ZBTB20: variants seen among roughly 807,000 people sequenced by gnomAD.
ZBTB20 encodes zinc finger and BTB domain-containing protein 20.
Under a neutral mutation model 56.9 loss-of-function variants are expected in ZBTB20, and 9 were observed. That is an observed-to-expected ratio of 0.16 (90% CI 0.10 to 0.28). The LOEUF is 0.28. ZBTB20 is among the 10% of genes least tolerant of loss of function. ZBTB20 has a pLI of 1.00. For synonymous variants in ZBTB20, 417 were observed against 420.7 expected, an observed-to-expected ratio of 0.99 and a Z score of 0.11; for missense variants, 655 against 1,003.0, an observed-to-expected ratio of 0.65 and a Z score of 4.69.
At chr3:114,926,011 T>A (rs539161516) in intron 3 of ZBTB20, among the ~76,000 whole-genome samples, 1 of 152,330 alleles carries the variant, frequency 6.6e-6, no homozygotes, top group South Asian at 2.1e-4. Context: ...TGGACTGATT[T>A]CAGTCTGCCC....
At chr3:114,933,280 A>C (rs1669747161) in intron 3 of ZBTB20, among the ~76,000 whole-genome samples, 1 of 152,236 alleles carries the variant, frequency 6.6e-6, no homozygotes, top group African/African-American at 2.4e-5. Context: ...ACAGGGACAA[A>C]GCCAAAAAAG....
At chr3:114,981,290 T>C (rs2078316777) in intron 2 of ZBTB20, among the ~76,000 whole-genome samples, 1 of 152,076 alleles carries the variant, frequency 6.6e-6, no homozygotes, top group African/African-American at 2.4e-5. Context: ...ACAGGCCTAA[T>C]AATGAGCTAT....
chr3:114,657,757 A>G (rs1013574164), intron 6 of ZBTB20, among the ~76,000 whole-genome samples: 1 of 152,150 alleles, frequency 6.6e-6, no homozygotes, highest in African/African-American at 2.4e-5. Flanking sequence ...TCCAGATTCC[A>G]ACTGCTTTTG....
chr3:114,518,314 C>A (rs1013463952), intron 6 of ZBTB20, among the ~76,000 whole-genome samples: 1 of 151,690 alleles, frequency 6.6e-6, no homozygotes, highest in Admixed American at 6.6e-5. Flanking sequence ...AGGAAAGGGG[C>A]CAAAAATAGA....
chr3:114,600,865 A>G (rs780426285), intron 6 of ZBTB20, among the ~76,000 whole-genome samples: 3 of 151,934 alleles, frequency 2.0e-5, no homozygotes, highest in Non-Finnish European at 4.4e-5. Context: ...GCCAAGCTAT[A>G]TATTTACACA....
chr3:115,023,689 T>A (rs1182052585), intron 2 of ZBTB20, among the ~76,000 whole-genome samples: 1 of 151,048 alleles, frequency 6.6e-6, no homozygotes, highest in Non-Finnish European at 1.5e-5. Flanking sequence ...CTTAATTCCT[T>A]GTAATCTGTC....
In ZBTB20 at chr3:114,729,981, A is replaced by G. The variant is rs1320644688; in HGVS notation, c.-342-36406T>C. ...ATTTTTTTTTTTTTTTTTTTTTTGT[A>G]TAGACAGGGTTTTGCTTGGGGGCCC... On this transcript the variant is annotated intron_variant, in intron 5 of 11. Transcript: ENST00000675478. 1.2e-4 allele frequency among the ~76,000 whole-genome samples: 8 copies of G among 69,498 alleles called. No homozygotes were observed. The East Asian group carries it at 2.5e-3, about 22-fold the overall frequency. 45.6% of individuals were successfully genotyped at this position (69,498 alleles called of 152,430 possible).
intron 1 of ZBTB20, among the ~76,000 whole-genome samples, chr3:115,126,484 T>C (rs965613672): frequency 2.0e-5 from 3 of 152,148 alleles, no homozygotes; most frequent in Admixed American, 1.3e-4. Context: ...AAAGGATAGA[T>C]TATACTGTGG....
intron 6 of ZBTB20, among the ~76,000 whole-genome samples, chr3:114,627,009 C>T (rs1198684458): frequency 6.6e-6 from 1 of 152,172 alleles, no homozygotes; most frequent in Non-Finnish European, 1.5e-5. Context: ...GGCCTCTTGG[C>T]TCAATCTCTT....
chr3:114,381,977 G>A (rs930192519), intron 8 of ZBTB20, among the ~76,000 whole-genome samples: 1 of 152,128 alleles, frequency 6.6e-6, no homozygotes, highest in Non-Finnish European at 1.5e-5. Context: ...TGTCTACATG[G>A]ACCCTGAAGG....
intron 4 of ZBTB20, among the ~76,000 whole-genome samples, chr3:114,835,871 G>A (rs2074096703): frequency 6.6e-6 from 1 of 151,906 alleles, no homozygotes; most frequent in Non-Finnish European, 1.5e-5. Context: ...AAACAATATT[G>A]GTATTAATAG....
intron 7 of ZBTB20, among the ~76,000 whole-genome samples, chr3:114,444,327 T>C (rs1297088553): frequency 6.6e-6 from 1 of 152,174 alleles, no homozygotes; most frequent in African/African-American, 2.4e-5. Flanking sequence ...GGCAGCAGTG[T>C]TAACTCCAGA....
chr3:115,077,692 T>C (rs1182272568), intron 1 of ZBTB20, among the ~76,000 whole-genome samples: 1 of 152,196 alleles, frequency 6.6e-6, no homozygotes, highest in Non-Finnish European at 1.5e-5. Context: ...CAATGAGGAA[T>C]TGCCTCACAC....
At chr3:114,363,494 A>G (rs1161106633) in intron 10 of ZBTB20, among the ~76,000 whole-genome samples, 1 of 152,206 alleles carries the variant, frequency 6.6e-6, no homozygotes, top group African/African-American at 2.4e-5. Context: ...AAACATTACA[A>G]TGAGCTGGGT....
chr3:115,078,041 A>G (rs1050902019), intron 1 of ZBTB20, among the ~76,000 whole-genome samples: 28 of 152,202 alleles, frequency 1.8e-4, no homozygotes, highest in Non-Finnish European at 3.7e-4. Flanking sequence ...ACCCAGGCTA[A>G]ATAACTTGCC....
intron 7 of ZBTB20, among the ~76,000 whole-genome samples, chr3:114,476,721 G>T (rs951121566): frequency 6.6e-6 from 1 of 152,080 alleles, no homozygotes; most frequent in Non-Finnish European, 1.5e-5. Flanking sequence ...CTCTTATTAG[G>T]CCCCACCTTC....
At chr3:114,937,411 GTCT>G (rs753472657) in intron 3 of ZBTB20, among the ~76,000 whole-genome samples, 11 of 151,444 alleles carry the variant, frequency 7.3e-5, no homozygotes, top group East Asian at 1.9e-4. Context: ...TGACATAAAT[GTCT>G]TCTTCTTCTT....
At chr3:114,805,406 G>C (rs2108855828) in intron 4 of ZBTB20, among the ~76,000 whole-genome samples, 2 of 151,842 alleles carry the variant, frequency 1.3e-5, no homozygotes, top group South Asian at 4.1e-4. Flanking sequence ...CAGATATTTT[G>C]TGAAACCTTT....
rs1364057761 is a variant in ZBTB20, at chr3:114,317,860, C to A, written c.*21145G>T. The stretch of plus-strand genomic sequence containing the variant: ...TCCAAGGGGCCATTGGGGCAGTAGT[C>A]CAAGGGAAGCTGGAAAAGGGGAACA... On this transcript the variant is annotated 3_prime_UTR_variant, in exon 12 of 12. Transcript: ENST00000675478. The A allele has an allele frequency of 1.3e-5, 2 of 152,026 alleles. No homozygotes were observed. Among genetic ancestry groups the A allele is most frequent in the East Asian group, 3.9e-4 (2 of 5,182 alleles). The allele number at this position is 152,026 out of a possible 1,614,324, so 9.4% of individuals were successfully genotyped here.
Sources: gnomAD v4.1 joint callset for allele counts (sites outside exome capture counted in the v4.1 genomes callset) on GRCh38, gnomAD v4.1.1 for gene constraint, MANE v1.5 for transcripts, NCBI Gene and HGNC (gene_info 2026-07-23, HGNC 2026-07-21) for gene names.